DMXL2: variants seen among roughly 807,000 people sequenced by gnomAD.
DMXL2 encodes the protein Dmx like 2.
DMXL2 carries 103 observed loss-of-function variants against 331.1 expected under a neutral mutation model. The observed-to-expected ratio is 0.31, with a 90% CI of 0.27 to 0.37. The LOEUF (loss-of-function observed/expected upper bound fraction) is 0.37. DMXL2 is among the 10% of genes least tolerant of loss of function. DMXL2 has a pLI of 1.00. For synonymous variants in DMXL2, 1,281 were observed against 1,252.1 expected (o/e 1.02, Z -0.49); for missense variants, 3,171 against 3,642.9 (o/e 0.87, Z 3.33).
At chr15:51,618,313 CTTT>C (rs10577626) in intron 1 of DMXL2, among the ~76,000 whole-genome samples, 173 of 145,652 alleles carry the variant, frequency 1.2e-3, no homozygotes, top group Admixed American at 1.1e-3. Context: ...TCTTGTAATT[CTTT>C]TTTTTTTTTT....
In DMXL2 at chr15:51,535,682, A is replaced by G; in HGVS notation, c.2417T>C (p.Leu806Ser). The change falls in exon 13 of 44, where the codon TTG becomes TCG. Residue 806 changes from leucine (L) to serine (S), a missense_variant. Physicochemically the swap from Leu to Ser is moderately radical, Grantham distance 145 (BLOSUM62 -2). Around this residue, in one of 7 missense-constraint regions of DMXL2, gnomAD observed 1,674 missense variants for 1,780.2 expected, o/e 0.94. Coordinates refer to ENST00000560891, the MANE Select transcript of DMXL2 (RefSeq NM_001378457.1). Reference protein sequence around the residue: ...VVDARKLLDELSDPESSKLIG... With the variant: ...VVDARKLLDESSDPESSKLIG... The stretch of plus-strand genomic sequence containing the variant: ...ACTTACTGAAGATTCTGGGTCTGAC[A>G]ATTCATCTAATAATTTCCTTGCATC... The G allele has an allele frequency of 6.2e-7, 1 of 1,603,288 alleles. No homozygotes were observed. Among genetic ancestry groups the G allele is most frequent in the Non-Finnish European group, 8.5e-7 (1 of 1,175,748 alleles).
intron 6 of DMXL2, among the ~76,000 whole-genome samples, chr15:51,555,999 G>A (rs150461410): frequency 3.3e-5 from 5 of 152,218 alleles, no homozygotes; most frequent in Non-Finnish European, 7.4e-5. Context: ...TTATGAAAAC[G>A]GGAAAATTAT....
chr15:51,487,440 ATGTGCCATATATG>A (rs1474379062), intron 22 of DMXL2, among the ~76,000 whole-genome samples: 1,708 of 152,138 alleles, frequency 0.011, 27 homozygotes, highest in East Asian at 0.024. Flanking sequence ...TTGAAATGCA[ATGTGCCATATATG>A]AAATTTTTCT....
At chr15:51,575,986 G>A in intron 2 of DMXL2, 70 bp downstream of exon 2, 1 of 1,441,830 alleles carries the variant, frequency 6.9e-7, no homozygotes, top group South Asian at 1.2e-5. Flanking sequence ...TTGCATAAAA[G>A]GATAAGAAGA....
At position 51,510,385 on chromosome 15, in the gene DMXL2, C is replaced by A. The variant is rs556924627; in HGVS notation, c.2645-3132G>T. On this transcript the variant is annotated intron_variant, in intron 15 of 43. Transcript: ENST00000560891. ...CTCAGGATACAAAATCAATGTGCAA[C>A]AATCACAAGCATTCCTATACACCAA... Among the ~76,000 whole-genome samples, 39 of 152,188 alleles carry A rather than the reference C, an allele frequency of 2.6e-4. No homozygotes were observed. The South Asian group carries it at 6.0e-3, about 23-fold the overall frequency.
At chr15:51,537,874 C>CA in intron 10 of DMXL2, 115 bp from the exon 11 acceptor site, 1 of 1,224,666 alleles carries the variant, frequency 8.2e-7, no homozygotes. Flanking sequence ...AATTTACAGT[C>CA]AGAAAAAAAA....
chr15:51,566,212 T>C (rs1361217316), intron 3 of DMXL2, among the ~76,000 whole-genome samples: 1 of 149,796 alleles, frequency 6.7e-6, no homozygotes, highest in African/African-American at 2.5e-5. Flanking sequence ...ACTCTATATC[T>C]AAAAAAAATG....
At chr15:51,576,297 A>G (rs558484586) in intron 1 of DMXL2, 116 bp from the exon 2 acceptor site, 7 of 739,266 alleles carry the variant, frequency 9.5e-6, no homozygotes, top group East Asian at 9.4e-5. Flanking sequence ...ACCTTGGGAC[A>G]TTTTACAAAA....
In DMXL2 at chr15:51,463,450, G is replaced by A. The variant is rs1318188039; in HGVS notation, c.7855C>T (p.Leu2619Phe). 1 of 1,599,774 alleles carries A rather than the reference G, an allele frequency of 6.3e-7. No homozygotes were observed. The highest frequency in any genetic ancestry group is 8.5e-7 in the Non-Finnish European group (1 of 1,175,470). The stretch of plus-strand genomic sequence containing the variant: ...TCTTGAAGGACCTCTTGTTTAACAA[G>A]GAAATGCCAAAGTCGTTTGACTGGA... ...AFPVKRLWHF[L>F]VKQEVLQETF... Residue 2619 changes from leucine to phenylalanine, a missense_variant, in exon 33 of 44, where the codon CTT becomes TTT. By Grantham distance (22) the Leu-to-Phe change is conservative. This residue lies in a region of DMXL2 where 766 missense variants were observed against 940.5 expected (regional missense o/e 0.81). Coordinates refer to ENST00000560891, the MANE Select transcript of DMXL2 (RefSeq NM_001378457.1).
chr15:51,596,689 A>G (rs1567168117), intron 1 of DMXL2, among the ~76,000 whole-genome samples: 1 of 152,262 alleles, frequency 6.6e-6, no homozygotes, highest in Non-Finnish European at 1.5e-5. Flanking sequence ...CAACAATGAT[A>G]GACTGGATTA....
chr15:51,611,696 T>TC (rs2053981473), intron 1 of DMXL2, among the ~76,000 whole-genome samples: 1 of 152,170 alleles, frequency 6.6e-6, no homozygotes, highest in Non-Finnish European at 1.5e-5. Context: ...AGTATTAGTA[T>TC]CCCCATCTAT....
chr15:51,459,782 C>A, intron 33 of DMXL2, 122 bp from the exon 34 acceptor site: 1 of 1,203,970 alleles, frequency 8.3e-7, no homozygotes, highest in Non-Finnish European at 1.1e-6. Flanking sequence ...AATGAATTTG[C>A]AAAATCAAGA....
intron 1 of DMXL2, among the ~76,000 whole-genome samples, chr15:51,582,629 C>T (rs1025172360): frequency 2.0e-5 from 3 of 152,072 alleles, no homozygotes; most frequent in Non-Finnish European, 4.4e-5. Flanking sequence ...AATTAAAACC[C>T]TAGCTCTTTA....
At chr15:51,478,694 A>G (rs900709958) in intron 25 of DMXL2, among the ~76,000 whole-genome samples, 10 of 152,186 alleles carry the variant, frequency 6.6e-5, no homozygotes, top group Admixed American at 5.9e-4. Context: ...GCAGAAGAAA[A>G]TAAGAATAGA....
chr15:51,571,787 G>A (rs1258148695), intron 2 of DMXL2, among the ~76,000 whole-genome samples: 4 of 152,206 alleles, frequency 2.6e-5, no homozygotes, highest in Non-Finnish European at 5.9e-5. Flanking sequence ...ATTCAAAGCA[G>A]TGTGTAGAGG....
At chr15:51,449,924 T>C (rs2038986345) in intron 43 of DMXL2, among the ~76,000 whole-genome samples, 1 of 152,172 alleles carries the variant, frequency 6.6e-6, no homozygotes, top group Non-Finnish European at 1.5e-5. Context: ...CTGAGTCCAA[T>C]GAGTTTGATA....
chr15:51,484,332 C>T (rs1227380624), intron 23 of DMXL2, among the ~76,000 whole-genome samples: 4 of 152,226 alleles, frequency 2.6e-5, no homozygotes, highest in African/African-American at 9.6e-5. Context: ...AGCTGGCTGA[C>T]CCATTGTGTG....
At chr15:51,523,037 A>G (rs2047465698) in intron 13 of DMXL2, among the ~76,000 whole-genome samples, 1 of 152,170 alleles carries the variant, frequency 6.6e-6, no homozygotes, top group African/African-American at 2.4e-5. Flanking sequence ...CTACAGAACA[A>G]TATTTATAGC....
At chr15:51,457,816 G>C (rs2039770718) in intron 36 of DMXL2, 2 of 190,196 alleles carry the variant, frequency 1.1e-5, no homozygotes, top group Non-Finnish European at 2.2e-5. Flanking sequence ...AGATTTCTTG[G>C]AGTAAGACAT....
Sources: gnomAD v4.1 joint callset for allele counts (sites outside exome capture counted in the v4.1 genomes callset) on GRCh38, gnomAD v4.1.1 for gene constraint, gnomAD v4.1.1 regional missense constraint, MANE v1.5 for transcripts, NCBI Gene and HGNC (gene_info 2026-07-23, HGNC 2026-07-21) for gene names.